The following BMP3 variants were observed in gnomAD, a reference collection of about 807,000 sequenced individuals.
BMP3 encodes the protein bone morphogenetic protein 3 (osteogenic).
In BMP3, 23 loss-of-function variants were observed where a neutral mutation model predicts 38.1. The observed-to-expected ratio is 0.60, with a 90% CI of 0.43 to 0.86. BMP3 has a LOEUF of 0.86. Ranked by LOEUF, BMP3 falls within the 40% of genes least tolerant of loss-of-function variation. The probability of loss-of-function intolerance (pLI) is 0.00; values close to 1 mark genes in which losing one functional copy is unlikely to be tolerated. For synonymous variants in BMP3, 258 were observed against 225.7 expected (o/e 1.14, Z -1.28); for missense variants, 628 against 579.6 (o/e 1.08, Z -0.86).
At chr4:81,048,461 A>G (rs1276895471) in intron 2 of BMP3, among the ~76,000 whole-genome samples, 1 of 152,210 alleles carries the variant, frequency 6.6e-6, no homozygotes, top group Non-Finnish European at 1.5e-5. Context: ...CCTGACTACA[A>G]TCTTCAGGAC....
At chr4:81,043,186 A>G (rs539359184) in intron 1 of BMP3, among the ~76,000 whole-genome samples, 2 of 152,246 alleles carry the variant, frequency 1.3e-5, no homozygotes, top group Non-Finnish European at 2.9e-5. Flanking sequence ...ACAAATATGT[A>G]TATGAAACAA....
intron 1 of BMP3, among the ~76,000 whole-genome samples, chr4:81,038,314 A>G (rs72868591): frequency 0.044 from 6,727 of 152,298 alleles, 180 homozygotes; most frequent in African/African-American, 0.07. Flanking sequence ...ATTTGCTAGA[A>G]GAAAAATATG....
intron 1 of BMP3, among the ~76,000 whole-genome samples, chr4:81,043,401 T>C (rs1389988504): frequency 6.6e-6 from 1 of 152,234 alleles, no homozygotes; most frequent in Non-Finnish European, 1.5e-5. Context: ...TTAATCATTT[T>C]TGTTGCACTA....
In BMP3 at chr4:81,045,836, C is replaced by A. The variant is rs1291292012; in HGVS notation, c.415C>A (p.Leu139Ile). The change falls in exon 2 of 3, where the codon CTA becomes ATA. Residue 139 changes from leucine (L) to isoleucine (I), a missense_variant. By Grantham distance (5) the Leu-to-Ile change is conservative. Transcript: ENST00000282701. ...SATLYFCIGE[L>I]GNISLSCPVS... Reference sequence around the variant, plus strand: ...CACACTGTATTTCTGTATTGGAGAGCTAGGAAACATCAGCCTGAGTTGTCC... The same window carrying A: ...CACACTGTATTTCTGTATTGGAGAGATAGGAAACATCAGCCTGAGTTGTCC... The A allele has an allele frequency of 1.2e-6, 2 of 1,613,958 alleles. No homozygotes were observed. Among genetic ancestry groups the A allele is most frequent in the East Asian group, 2.2e-5 (1 of 44,886 alleles).
At chr4:81,043,289 C>T (rs1170012968) in intron 1 of BMP3, among the ~76,000 whole-genome samples, 1 of 152,022 alleles carries the variant, frequency 6.6e-6, no homozygotes, top group Non-Finnish European at 1.5e-5. Flanking sequence ...GGTTTATGAG[C>T]TAAAGGAGAG....
intron 2 of BMP3, among the ~76,000 whole-genome samples, chr4:81,050,258 T>G (rs193062704): frequency 1.3e-5 from 2 of 152,284 alleles, no homozygotes; most frequent in Admixed American, 6.5e-5. Context: ...GCTTGGCAGG[T>G]GCAGGCCTGA....
At chr4:81,045,305 C>A (rs1740199821) in intron 1 of BMP3, among the ~76,000 whole-genome samples, 1 of 151,656 alleles carries the variant, frequency 6.6e-6, no homozygotes, top group African/African-American at 2.4e-5. Flanking sequence ...TATTTGGTTT[C>A]TTGGTCTGTT....
Position 81,052,641 on chromosome 4 carries a change from G to A in BMP3, c.1228-704G>A, listed in dbSNP as rs58060513. Among the ~76,000 whole-genome samples the A allele has an allele frequency of 8.7e-3, 1,323 of 152,248 alleles. 14 individuals carry two copies. The highest frequency in any genetic ancestry group is 0.024 in the African/African-American group (982 of 41,556). On this transcript the variant is annotated intron_variant, in intron 2 of 2. Transcript: ENST00000282701. ...CAACTCCATGCCTAATTCTAAACCAGTGGAGCAACAGTGACCCCCAGTGGC... is the reference window on the plus strand; with the variant it reads ...CAACTCCATGCCTAATTCTAAACCAATGGAGCAACAGTGACCCCCAGTGGC...
At chr4:81,050,929 C>A (rs1316880494) in intron 2 of BMP3, among the ~76,000 whole-genome samples, 2 of 151,906 alleles carry the variant, frequency 1.3e-5, no homozygotes, top group African/African-American at 4.8e-5. Flanking sequence ...TGGCAATATG[C>A]TTTACACCAG....
chr4:81,044,166 G>T (rs1298047350), intron 1 of BMP3, among the ~76,000 whole-genome samples: 1 of 152,136 alleles, frequency 6.6e-6, no homozygotes, highest in African/African-American at 2.4e-5. Flanking sequence ...TGTGTTTGTA[G>T]CCCGTAGGCT....
intron 1 of BMP3, among the ~76,000 whole-genome samples, chr4:81,038,466 G>A (rs1400744932): frequency 1.3e-5 from 2 of 152,118 alleles, no homozygotes; most frequent in Admixed American, 6.5e-5. Flanking sequence ...TACATATTCA[G>A]GAGAAAAGAT....
At chr4:81,031,971 C>G (rs1041502790) in intron 1 of BMP3, among the ~76,000 whole-genome samples, 2 of 151,962 alleles carry the variant, frequency 1.3e-5, no homozygotes, top group Non-Finnish European at 2.9e-5. Context: ...CTAAATCGGC[C>G]AGCGGAAATT....
rs1739733790 is a variant in BMP3 at position 81,030,981 on chromosome 4, CG to C, written c.-301del. 3 of 392,222 alleles carry C rather than the reference CG, an allele frequency of 7.6e-6. No individual in the cohort carries two copies. Among genetic ancestry groups the C allele is most frequent in the Non-Finnish European group, 1.4e-5 (3 of 219,288 alleles). 24.3% of individuals were successfully genotyped at this position (392,222 alleles called of 1,614,324 possible). ...GGTACAGACAGATCTTGAAAACACC[CG>C]GGCCACACACGCCGCGACCTACAGC... On this transcript the variant is annotated 5_prime_UTR_variant, in exon 1 of 3. Transcript: ENST00000282701.
chr4:81,048,111 C>A (rs929843553), intron 2 of BMP3, among the ~76,000 whole-genome samples: 8 of 152,098 alleles, frequency 5.3e-5, no homozygotes, highest in African/African-American at 7.2e-5. Context: ...TAAACCCAAA[C>A]ACAAAGTACG....
rs547485457 is a variant in BMP3, at chr4:81,044,614, A to G, written c.317-1124A>G. Reference sequence around the variant, plus strand: ...TTTAAAACAAAACCCTGTAACCATTAAGGAGTTTCTTTTCATTAGCCCCTC... The same window carrying G: ...TTTAAAACAAAACCCTGTAACCATTGAGGAGTTTCTTTTCATTAGCCCCTC... On this transcript the variant is annotated intron_variant, in intron 1 of 2. Coordinates refer to ENST00000282701, the MANE Select transcript of BMP3 (RefSeq NM_001201.5). Among the ~76,000 whole-genome samples, 13 of 152,348 alleles carry G rather than the reference A, an allele frequency of 8.5e-5. No individual in the cohort carries two copies. The East Asian group carries it at 2.3e-3, about 27-fold the overall frequency.
chr4:81,032,101 C>T (rs1188994602), intron 1 of BMP3, among the ~76,000 whole-genome samples: 7 of 149,282 alleles, frequency 4.7e-5, no homozygotes. Context: ...TCTCCTTCCC[C>T]AGTCGCTTCT....
intron 1 of BMP3, 92 bp downstream of exon 1, chr4:81,031,692 T>C (rs1004654333): frequency 1.4e-6 from 2 of 1,407,026 alleles, no homozygotes; most frequent in African/African-American, 2.9e-5. Context: ...CCTTGCTTGG[T>C]GGCGCTGCCT....
rs148599397 is a variant in BMP3, at chr4:81,032,105, C to A, written c.316+505C>A. ...CCCTCTCCTTTTCTCCTTCCCCAGT[C>A]GCTTCTCCAGATATTGCACCCGCTC... On this transcript the variant is annotated intron_variant, in intron 1 of 2. Coordinates refer to ENST00000282701, the MANE Select transcript of BMP3 (RefSeq NM_001201.5). Among the ~76,000 whole-genome samples the A allele has an allele frequency of 4.6e-3, 662 of 144,598 alleles. 4 individuals carry two copies. Among genetic ancestry groups the A allele is most frequent in the African/African-American group, 0.015 (613 of 40,002 alleles). The allele number at this position is 144,598 out of a possible 152,430, so 94.9% of individuals were successfully genotyped here.
rs374105932 is a variant in BMP3 at position 81,031,242 on chromosome 4, C to T, written c.-43C>T. 12 of 1,525,786 alleles carry T rather than the reference C, an allele frequency of 7.9e-6. No homozygotes were observed. In the African/African-American group the frequency reaches 1.1e-4, roughly 14 times the overall value. The allele number at this position is 1,525,786 out of a possible 1,614,324, so 94.5% of individuals were successfully genotyped here. A position where few individuals can be genotyped will look rare whatever the true frequency, so the allele number is the denominator to read the frequency against. The stretch of plus-strand genomic sequence containing the variant: ...GGCTCCTTGCGCCTTCGGAGTGTCC[C>T]GCAGCGACGCCGGGAGCCGACGCGC... On this transcript the variant is annotated 5_prime_UTR_variant, in exon 1 of 3. Coordinates refer to ENST00000282701, the MANE Select transcript of BMP3 (RefSeq NM_001201.5).
Sources: gnomAD v4.1 joint callset for allele counts (sites outside exome capture counted in the v4.1 genomes callset) on GRCh38, gnomAD v4.1.1 for gene constraint, MANE v1.5 for transcripts, NCBI Gene and HGNC (gene_info 2026-07-23, HGNC 2026-07-21) for gene names.